MTCL1: variants seen among roughly 807,000 people sequenced by gnomAD.
MTCL1 encodes the protein microtubule cross-linking factor 1.
A neutral mutation model predicts 141.4 loss-of-function variants in MTCL1; 79 were observed. The ratio of observed to expected loss-of-function variants is 0.56; its 90% CI spans 0.47 to 0.67. MTCL1 has a LOEUF of 0.67. Among genes scored for constraint, MTCL1 ranks in the 30% least tolerant of loss-of-function variants. MTCL1 has a pLI of 0.00. For synonymous variants in MTCL1, 914 were observed against 875.8 expected (o/e 1.04, Z -0.77); for missense variants, 2,177 against 2,113.9 (o/e 1.03, Z -0.59).
Position 8,705,718 on chromosome 18 carries a change from C to T in MTCL1, c.58C>T (p.Pro20Ser). 1 of 1,204,688 alleles carries T rather than the reference C, an allele frequency of 8.3e-7. No homozygotes were observed. Among genetic ancestry groups the T allele is most frequent in the Non-Finnish European group, 1.0e-6 (1 of 970,214 alleles). 74.6% of individuals were successfully genotyped at this position (1,204,688 alleles called of 1,614,324 possible). A position where few individuals can be genotyped will look rare whatever the true frequency, so the allele number is the denominator to read the frequency against. ...TGCCCCGGACGCGAAGCTGCAGCCG[C>T]CCGGCCAGCACCACCGCCACCACCA... is the stretch of plus-strand genomic sequence containing the variant. The change falls in exon 1 of 14, where the codon CCC becomes TCC. Residue 20 changes from proline to serine, a missense_variant. Pro to Ser is a moderately conservative substitution (Grantham distance 74). Transcript: ENST00000306329. This position sits in a 1 kb window ranked among gnomAD's most constrained non-coding sequence, Gnocchi z 5.2.
chr18:8,785,704 C>G (rs2096550806), intron 6 of MTCL1: 1 of 559,994 alleles, frequency 1.8e-6, no homozygotes, highest in East Asian at 3.1e-5. Flanking sequence ...GTCCACCCGC[C>G]CCTTTGCTCA....
chr18:8,819,168 A>C (rs1300035313), exon 13 of MTCL1: 1 of 1,614,178 alleles, frequency 6.2e-7, no homozygotes, highest in African/African-American at 1.3e-5. Flanking sequence ...GCCAGTGAGA[A>C]TCTCTACCTG....
At chr18:8,800,175 G>C (rs1281556472) in intron 10 of MTCL1, among the ~76,000 whole-genome samples, 6 of 152,214 alleles carry the variant, frequency 3.9e-5, no homozygotes, top group Non-Finnish European at 7.3e-5. Context: ...TTGCCTCTCT[G>C]TGACTGGCAT....
At chr18:8,782,264 G>C (rs1220263286) in intron 5 of MTCL1, 1 of 152,224 alleles carries the variant, frequency 6.6e-6, no homozygotes, top group Non-Finnish European at 1.5e-5. Context: ...TCCTCCACGA[G>C]GGCTGTGGGA....
chr18:8,821,519 TA>T, intron 14 of MTCL1, 21 bp downstream of exon 13: 1 of 1,265,870 alleles, frequency 7.9e-7, no homozygotes, highest in Non-Finnish European at 1.1e-6. Flanking sequence ...TTGATGAAAA[TA>T]ATAGATTACT....
chr18:8,737,621 G>A (rs976424163), intron 4 of MTCL1, among the ~76,000 whole-genome samples: 3 of 152,194 alleles, frequency 2.0e-5, no homozygotes, highest in Non-Finnish European at 2.9e-5. Context: ...TGGGATCTCC[G>A]TCAGTTTCCT....
chr18:8,745,626 G>A (rs1470117381), intron 4 of MTCL1, among the ~76,000 whole-genome samples: 3 of 152,098 alleles, frequency 2.0e-5, no homozygotes, highest in Admixed American at 6.5e-5. Context: ...TTCGTTTCCC[G>A]GTGCCCACGT....
At chr18:8,788,978 A>G (rs1239600468) in intron 7 of MTCL1, among the ~76,000 whole-genome samples, 1 of 152,222 alleles carries the variant, frequency 6.6e-6, no homozygotes, top group Non-Finnish European at 1.5e-5. Context: ...CACATTTGTT[A>G]AGAGAGAGTG....
chr18:8,783,938 C>G (rs145413531), exon 6 of MTCL1: 6 of 1,613,626 alleles, frequency 3.7e-6, no homozygotes, highest in Admixed American at 3.3e-5. Flanking sequence ...TGAGCTCCGC[C>G]GCCACCTGCA....
chr18:8,831,760 C>G (rs1434849377), exon 17 of MTCL1: 19 of 1,550,418 alleles, frequency 1.2e-5, no homozygotes, highest in Non-Finnish European at 1.6e-5. Flanking sequence ...CTTGGAGGAG[C>G]ATGGTGGCGA....
At chr18:8,826,163 C>A (rs1252664466) in exon 15 of MTCL1, 1 of 1,612,762 alleles carries the variant, frequency 6.2e-7, no homozygotes, top group Non-Finnish European at 8.5e-7. Context: ...GGCAGGCTGC[C>A]CACGGGCCCC....
chr18:8,763,840 A>G (rs1176034537), intron 4 of MTCL1, among the ~76,000 whole-genome samples: 2 of 152,216 alleles, frequency 1.3e-5, no homozygotes, highest in African/African-American at 4.8e-5. Flanking sequence ...ACTTAATTGC[A>G]TTGTGGAAAA....
chr18:8,773,923 A>G (rs188326561), intron 4 of MTCL1, among the ~76,000 whole-genome samples: 2 of 152,322 alleles, frequency 1.3e-5, no homozygotes. Flanking sequence ...TTTTATATCT[A>G]ATAGCACAAA....
intron 4 of MTCL1, among the ~76,000 whole-genome samples, chr18:8,726,522 A>AGC: frequency 9.7e-6 from 1 of 103,564 alleles, no homozygotes; most frequent in Admixed American, 9.7e-5. Flanking sequence ...AGCGAGCGAG[A>AGC]GAGAGCGAGT....
intron 4 of MTCL1, among the ~76,000 whole-genome samples, chr18:8,770,802 A>T (rs1267752700): frequency 6.6e-6 from 1 of 152,120 alleles, no homozygotes; most frequent in Non-Finnish European, 1.5e-5. Context: ...CATTATTGCT[A>T]AGGAGGGTTT....
At chr18:8,743,980 C>T (rs2096320102) in intron 4 of MTCL1, among the ~76,000 whole-genome samples, 1 of 152,198 alleles carries the variant, frequency 6.6e-6, no homozygotes, top group South Asian at 2.1e-4. Flanking sequence ...AGGCCCAGGG[C>T]ATACCATTTA....
intron 4 of MTCL1, among the ~76,000 whole-genome samples, chr18:8,733,167 C>T: frequency 6.6e-6 from 1 of 152,184 alleles, no homozygotes; most frequent in Non-Finnish European, 1.5e-5. Context: ...GGGCGCAGGG[C>T]AGCCCTCGGG....
At chr18:8,742,738 G>A (rs762386858) in intron 4 of MTCL1, among the ~76,000 whole-genome samples, 7 of 152,070 alleles carry the variant, frequency 4.6e-5, no homozygotes, top group African/African-American at 1.2e-4. Context: ...ACCTACACAC[G>A]TGTTATTTAG....
upstream of MTCL1, among the ~76,000 whole-genome samples, chr18:8,717,079 T>C (rs1213759108): frequency 1.3e-5 from 2 of 152,174 alleles, no homozygotes; most frequent in East Asian, 3.9e-4. Flanking sequence ...CTGGCGCACC[T>C]GTGTATTCAT....
Sources: allele counts gnomAD v4.1 joint callset (sites outside exome capture counted in the v4.1 genomes callset), GRCh38; gene constraint gnomAD v4.1.1; non-coding constraint Gnocchi (gnomAD v3.1); transcripts MANE v1.5; gene names NCBI Gene and HGNC (gene_info 2026-07-23, HGNC 2026-07-21).